Variants in NRG4 observed in about 807,000 individuals in gnomAD.
The protein encoded by NRG4 is pro-neuregulin-4, membrane-bound isoform.
Under a neutral mutation model 15.0 loss-of-function variants are expected in NRG4, and 10 were observed. The ratio of observed to expected loss-of-function variants is 0.67; its 90% CI spans 0.41 to 1.13. NRG4 has a LOEUF of 1.13. Ranked by LOEUF, NRG4 falls within the 50% of genes most tolerant of loss-of-function variation. The probability of loss-of-function intolerance (pLI) is 0.00; values close to 1 mark genes in which losing one functional copy is unlikely to be tolerated. For synonymous variants in NRG4, 41 were observed against 50.1 expected (o/e 0.82, Z 0.77); for missense variants, 139 against 140.2 (o/e 0.99, Z 0.04).
In NRG4 at chr15:75,956,876, G is replaced by C. The variant is rs540732229; in HGVS notation, c.252-865C>G. Among the ~76,000 whole-genome samples the C allele has an allele frequency of 2.6e-5, 4 of 152,270 alleles. No homozygotes were observed. The South Asian group carries it at 8.3e-4, about 32-fold the overall frequency. ...CACATGGTCACTACAGGACAGCCTAGATCTTGTGACACACTTTCTATTTAT... is the reference window on the plus strand; with the variant it reads ...CACATGGTCACTACAGGACAGCCTACATCTTGTGACACACTTTCTATTTAT... On this transcript the variant is annotated intron_variant, in intron 4 of 5. Coordinates refer to ENST00000394907, the MANE Select transcript of NRG4 (RefSeq NM_138573.4).
intron 4 of NRG4, among the ~76,000 whole-genome samples, chr15:76,038,652 C>T (rs1365295451): frequency 2.0e-5 from 3 of 152,236 alleles, no homozygotes; most frequent in Admixed American, 2.0e-4. Context: ...TCCCAGATGG[C>T]ATCTCTGGAC....
At chr15:75,945,230 T>C (rs1372788339) in intron 5 of NRG4, among the ~76,000 whole-genome samples, 1 of 151,544 alleles carries the variant, frequency 6.6e-6, no homozygotes, top group Non-Finnish European at 1.5e-5. Flanking sequence ...TTAAAATCTT[T>C]CCATTCTCTG....
chr15:76,001,307 T>C (rs548932466), intron 3 of NRG4, among the ~76,000 whole-genome samples: 2 of 152,254 alleles, frequency 1.3e-5, no homozygotes, highest in East Asian at 3.9e-4. Flanking sequence ...CCAATTTTTG[T>C]AGCCACATTG....
upstream of NRG4, among the ~76,000 whole-genome samples, chr15:76,017,155 CTTTT>C (rs66838505): frequency 3.2e-4 from 17 of 52,318 alleles, no homozygotes; most frequent in South Asian, 3.1e-3. Context: ...CAACCCCTGC[CTTTT>C]TTTTTTTTTT....
In NRG4 at chr15:76,011,275, G is replaced by A; in HGVS notation, c.-45C>T. The A allele has an allele frequency of 7.1e-7, 1 of 1,401,720 alleles. No homozygotes were observed. The highest frequency in any genetic ancestry group is 9.4e-7 in the Non-Finnish European group (1 of 1,066,422). The allele number at this position is 1,401,720 out of a possible 1,614,324, so 86.8% of individuals were successfully genotyped here. ...CATTCTTGGTCAAGAGAGTAGGGTT[G>A]AAAAACAGTACCTAAAACGGTTTAA... On this transcript the variant is annotated 5_prime_UTR_variant, in exon 2 of 6. It introduces an in-frame stop codon into an upstream open reading frame of the 5' UTR. Transcript: ENST00000394907.
In NRG4 at chr15:75,961,893, A is replaced by G; in HGVS notation, c.186T>C (p.Phe62=). 1 of 1,613,680 alleles carries G rather than the reference A, an allele frequency of 6.2e-7. No homozygotes were observed. The highest frequency in any genetic ancestry group is 8.5e-7 in the Non-Finnish European group (1 of 1,179,610). Residue 62 remains phenylalanine (F), a synonymous_variant, in exon 4 of 6, where the codon TTT becomes TTC. Transcript: ENST00000394907. The part of the protein sequence containing the change: ...GSSIQTKSNL[F]EAFVALAVLV... ...GGACCGCCAATGCCACAAAAGCTTCAAACAGGTTACTTTTAGTTTGGATGC... is the reference window on the plus strand; with the variant it reads ...GGACCGCCAATGCCACAAAAGCTTCGAACAGGTTACTTTTAGTTTGGATGC...
chr15:76,032,207 C>A (rs1189337865), intron 5 of NRG4, among the ~76,000 whole-genome samples: 1 of 151,986 alleles, frequency 6.6e-6, no homozygotes, highest in African/African-American at 2.4e-5. Flanking sequence ...GTTGAAAATA[C>A]CCTTATCATA....
At chr15:75,950,305 TTAAGA>T (rs1265476508) in intron 5 of NRG4, among the ~76,000 whole-genome samples, 1 of 152,212 alleles carries the variant, frequency 6.6e-6, no homozygotes, top group African/African-American at 2.4e-5. Context: ...TTTTGAAATT[TTAAGA>T]TAAGTTTATT....
chr15:75,940,606 T>C (rs1011401607), downstream of NRG4: 4 of 152,132 alleles, frequency 2.6e-5, no homozygotes, highest in Non-Finnish European at 5.9e-5. Context: ...AATGCTACAG[T>C]AATCAAAACA....
At chr15:75,940,566 C>T (rs1324444210), downstream of NRG4, 2 of 151,456 alleles carry the variant, frequency 1.3e-5, no homozygotes, top group Non-Finnish European at 2.9e-5. Context: ...AATTGGAGGA[C>T]TTAAACCTGC....
At chr15:76,014,181 G>C (rs981889276), upstream of NRG4, among the ~76,000 whole-genome samples, 2 of 152,076 alleles carry the variant, frequency 1.3e-5, no homozygotes, top group African/African-American at 2.4e-5. Context: ...CTCACTTTTT[G>C]ATGGGGTTGT....
chr15:76,027,378 G>A (rs924618575), intron 5 of NRG4, among the ~76,000 whole-genome samples: 4 of 151,066 alleles, frequency 2.6e-5, no homozygotes, highest in South Asian at 2.1e-4. Flanking sequence ...TATAACAGTC[G>A]TAAATATATA....
At chr15:76,058,573 G>A (rs555521091) in intron 1 of NRG4, among the ~76,000 whole-genome samples, 1 of 152,160 alleles carries the variant, frequency 6.6e-6, no homozygotes, top group East Asian at 1.9e-4. Flanking sequence ...AAAAAGCTAC[G>A]GCAGGAAGAA....
intron 3 of NRG4, among the ~76,000 whole-genome samples, chr15:75,978,832 CTTCTT>C (rs773531551): frequency 7.2e-5 from 11 of 152,172 alleles, no homozygotes; most frequent in Non-Finnish European, 1.6e-4. Context: ...ATTTATATGC[CTTCTT>C]TTAAGAAATG....
intron 2 of NRG4, among the ~76,000 whole-genome samples, chr15:76,055,830 A>G (rs1408366242): frequency 1.3e-5 from 2 of 152,192 alleles, no homozygotes; most frequent in Non-Finnish European, 2.9e-5. Flanking sequence ...GAAATAAAAA[A>G]CAGACTTTTA....
intron 3 of NRG4, among the ~76,000 whole-genome samples, chr15:75,996,840 A>G (rs1202689341): frequency 2.0e-5 from 3 of 152,206 alleles, no homozygotes; most frequent in Admixed American, 6.5e-5. Context: ...TAGGAATTAT[A>G]TCATAAAGAT....
At chr15:75,946,164 T>A (rs74667037) in intron 5 of NRG4, among the ~76,000 whole-genome samples, 2,015 of 152,200 alleles carry the variant, frequency 0.013, 18 homozygotes, top group Middle Eastern at 0.054. Flanking sequence ...CAGCGGGAGA[T>A]TTCATCATGT....
At chr15:76,004,332 G>A (rs888893948) in intron 3 of NRG4, among the ~76,000 whole-genome samples, 3 of 152,290 alleles carry the variant, frequency 2.0e-5, no homozygotes, top group African/African-American at 7.2e-5. Flanking sequence ...CGGGTGCAGT[G>A]ACTCACACCT....
At chr15:76,017,155 C>CTTTTTTTTTTTTTTTTTTTT (rs66838505), upstream of NRG4, among the ~76,000 whole-genome samples, 9 of 52,320 alleles carry the variant, frequency 1.7e-4, 1 homozygote, top group East Asian at 8.9e-4. Flanking sequence ...CAACCCCTGC[C>CTTTTTTTTTTTTTTTTTTTT]TTTTTTTTTT....
Sources: gnomAD v4.1 joint callset for allele counts (sites outside exome capture counted in the v4.1 genomes callset) on GRCh38, gnomAD v4.1.1 for gene constraint, MANE v1.5 for transcripts, NCBI Gene and HGNC (gene_info 2026-07-23, HGNC 2026-07-21) for gene names.